Variants in PCDHB14 observed in about 807,000 individuals in gnomAD.
PCDHB14 encodes protocadherin beta 14.
For missense variants in PCDHB14, 1,129 were observed against 1,000.5 expected, an observed-to-expected ratio of 1.13 and a Z score of -1.73; for synonymous variants, 511 against 441.5, an observed-to-expected ratio of 1.16 and a Z score of -1.97.
Position 141,224,689 on chromosome 5 carries a change from C to T in PCDHB14, c.1184C>T (p.Pro395Leu). ...IQDNLPFFLK[P>L]TFKNFFTLVS... ...GATAACCTCCCTTTTTTCCTGAAAC[C>T]GACCTTCAAGAACTTTTTCACTCTA... is the stretch of plus-strand genomic sequence containing the variant. Residue 395 changes from proline (P) to leucine (L), a missense_variant, in exon 1 of 1, where the codon CCG becomes CTG. Pro to Leu is a moderately conservative substitution (Grantham distance 98). Coordinates refer to ENST00000239449, the MANE Select transcript of PCDHB14 (RefSeq NM_018934.4). 6.2e-7 allele frequency: 1 copy of T among 1,613,872 alleles called. No homozygotes were observed. Among genetic ancestry groups the T allele is most frequent in the South Asian group, 1.1e-5 (1 of 91,078 alleles).
Position 141,226,205 on chromosome 5 carries a change from G to A in PCDHB14, c.*303G>A, listed in dbSNP as rs782618369. ...CAATTATTTGGATATGCAAACTAAA[G>A]TATTAAGAGCTAATGTCATTATATA... is the stretch of plus-strand genomic sequence containing the variant. On this transcript the variant is annotated 3_prime_UTR_variant, in exon 1 of 1. Coordinates refer to ENST00000239449, the MANE Select transcript of PCDHB14 (RefSeq NM_018934.4). 32 of 290,066 alleles carry A rather than the reference G, an allele frequency of 1.1e-4. No homozygotes were observed. Among genetic ancestry groups the A allele is most frequent in the Non-Finnish European group, 1.7e-4 (25 of 147,642 alleles). The allele number at this position is 290,066 out of a possible 1,614,324, so 18.0% of individuals were successfully genotyped here. A position where few individuals can be genotyped will look rare whatever the true frequency, so the allele number is the denominator to read the frequency against.
rs542452580 is a variant in PCDHB14, at chr5:141,224,693, C to A, written c.1188C>A (p.Thr396=). ...QDNLPFFLKP[T]FKNFFTLVSE... ...ACCTCCCTTTTTTCCTGAAACCGAC[C>A]TTCAAGAACTTTTTCACTCTAGTTT... is the stretch of plus-strand genomic sequence containing the variant. The change falls in exon 1 of 1, where the codon ACC becomes ACA. Residue 396 remains threonine, a synonymous_variant. Transcript: ENST00000239449. 6.2e-7 allele frequency: 1 copy of A among 1,614,156 alleles called. No individual in the cohort carries two copies. Among genetic ancestry groups the A allele is most frequent in the African/African-American group, 1.3e-5 (1 of 75,030 alleles).
rs1225343606 is a variant in PCDHB14 at position 141,225,467 on chromosome 5, C to T, written c.1962C>T (p.Ala654=). ...VKDNGEPPRS[A]TATLHVLLVD... ...ACAATGGCGAGCCTCCTCGCTCGGCCACCGCCACGCTGCACGTGCTCCTGG... is the reference window on the plus strand; with the variant it reads ...ACAATGGCGAGCCTCCTCGCTCGGCTACCGCCACGCTGCACGTGCTCCTGG... Residue 654 remains alanine (A), a synonymous_variant, in exon 1 of 1, where the codon GCC becomes GCT. Transcript: ENST00000239449. The T allele has an allele frequency of 6.2e-7, 1 of 1,604,020 alleles. No homozygotes were observed. The highest frequency in any genetic ancestry group is 1.7e-5 in the Admixed American group (1 of 59,974).
Position 141,225,218 on chromosome 5 carries a change from C to T in PCDHB14, c.1713C>T (p.Pro571=), listed in dbSNP as rs781783808. The T allele has an allele frequency of 1.1e-5, 18 of 1,603,862 alleles. No homozygotes were observed. Among genetic ancestry groups the T allele is most frequent in the Non-Finnish European group, 1.5e-5 (18 of 1,178,048 alleles). Reference sequence around the variant, plus strand: ...ACCCGCTGCAGAACGGCTCCGCGCCCTGCACCGAGCTGGTGCCCCGGGCGG... The same window carrying T: ...ACCCGCTGCAGAACGGCTCCGCGCCTTGCACCGAGCTGGTGCCCCGGGCGG... The part of the protein sequence containing the change: ...VLYPLQNGSA[P]CTELVPRAAE... Residue 571 remains proline (P), a synonymous_variant, in exon 1 of 1, where the codon CCC becomes CCT. Coordinates refer to ENST00000239449, the MANE Select transcript of PCDHB14 (RefSeq NM_018934.4).
In PCDHB14 at chr5:141,225,629, C is replaced by G. The variant is rs782228717; in HGVS notation, c.2124C>G (p.Phe708Leu). Residue 708 changes from phenylalanine to leucine, a missense_variant, in exon 1 of 1, where the codon TTC (phenylalanine) becomes TTG (leucine). Physicochemically the swap from Phe to Leu is conservative, Grantham distance 22. Transcript: ENST00000239449. ...SSLFLFSVLL[F>L]VAVRLCRRSR... ...TCTTCCTCTTCTCGGTGCTCCTGTT[C>G]GTGGCGGTGCGGCTGTGCAGGAGGA... 3 of 1,613,068 alleles carry G rather than the reference C, an allele frequency of 1.9e-6. No individual in the cohort carries two copies. The highest frequency in any genetic ancestry group is 2.5e-6 in the Non-Finnish European group (3 of 1,179,948).
rs143983419 is a variant in PCDHB14 at position 141,223,798 on chromosome 5, C to G, written c.293C>G (p.Ser98Cys). Reference protein sequence around the residue: ...EKLDRDELCGSTEPCVLHFQV... With the variant: ...EKLDRDELCGCTEPCVLHFQV... ...CTAGACCGAGACGAGCTGTGTGGCTCCACCGAGCCCTGTGTGCTGCATTTT... is the reference window on the plus strand; with the variant it reads ...CTAGACCGAGACGAGCTGTGTGGCTGCACCGAGCCCTGTGTGCTGCATTTT... Residue 98 changes from serine (S) to cysteine (C), a missense_variant, in exon 1 of 1, where the codon TCC becomes TGC. Transcript: ENST00000239449. 36 of 1,614,010 alleles carry G rather than the reference C, an allele frequency of 2.2e-5. No individual in the cohort carries two copies. The African/African-American group carries it at 4.4e-4, about 20-fold the overall frequency.
rs3896534 is a variant in PCDHB14 at position 141,225,584 on chromosome 5, A to G, written c.2079A>G (p.Ala693=). The G allele has an allele frequency of 7.0e-4, 1,128 of 1,611,176 alleles. 1 individual carries two copies. Among genetic ancestry groups the G allele is most frequent in the African/African-American group, 3.8e-3 (288 of 74,960 alleles). ...ADSLTVYLVV[A]LASVSSLFLF... ...CCCTCACCGTCTACCTGGTGGTGGC[A>G]TTGGCCTCGGTGTCGTCGCTCTTCC... Residue 693 remains alanine (A), a synonymous_variant, in exon 1 of 1, where the codon GCA becomes GCG. Coordinates refer to ENST00000239449, the MANE Select transcript of PCDHB14 (RefSeq NM_018934.4).
In PCDHB14 at chr5:141,227,733, A is replaced by G. The variant is rs1754888658; in HGVS notation, c.*1831A>G. 6.6e-6 allele frequency: 1 copy of G among 152,140 alleles called. No homozygotes were observed. Among genetic ancestry groups the G allele is most frequent in the Non-Finnish European group, 1.5e-5 (1 of 68,002 alleles). 9.4% of individuals were successfully genotyped at this position (152,140 alleles called of 1,614,324 possible). ...GTTGTGTGGATTTCTTAAAATTGAC[A>G]TTTAAACAATAAAATCCTGAAAAGA... On this transcript the variant is annotated 3_prime_UTR_variant, in exon 1 of 1. Transcript: ENST00000239449.
chr5:141,223,973 T>C lies in PCDHB14; in HGVS notation c.468T>C (p.Ser156=), dbSNP rs782670053. Reference sequence around the variant, plus strand: ...TTGGAGCTACCTTTCTAATGGAGAGTGCTCAAGATTTGGATGTCGGAAGCA... The same window carrying C: ...TTGGAGCTACCTTTCTAATGGAGAGCGCTCAAGATTTGGATGTCGGAAGCA... ...TTVGATFLME[S]AQDLDVGSNS... Residue 156 remains serine, a synonymous_variant, in exon 1 of 1, where the codon AGT becomes AGC. Transcript: ENST00000239449. 5.0e-6 allele frequency: 8 copies of C among 1,613,586 alleles called. No homozygotes were observed. Among genetic ancestry groups the C allele is most frequent in the Non-Finnish European group, 5.9e-6 (7 of 1,179,836 alleles).
rs1754860198 is a variant in PCDHB14, at chr5:141,226,302, T to G, written c.*400T>G. On this transcript the variant is annotated 3_prime_UTR_variant, in exon 1 of 1. Transcript: ENST00000239449. Reference sequence around the variant, plus strand: ...AGCGTTGCTGAATCTGGGTCGAAAATGTAGTGCGTTTATCCCACTATTCTC... The same window carrying G: ...AGCGTTGCTGAATCTGGGTCGAAAAGGTAGTGCGTTTATCCCACTATTCTC... The G allele has an allele frequency of 5.6e-6, 1 of 177,066 alleles. No homozygotes were observed. The highest frequency in any genetic ancestry group is 2.4e-5 in the African/African-American group (1 of 41,594). The allele number at this position is 177,066 out of a possible 1,614,324, so 11.0% of individuals were successfully genotyped here.
At position 141,225,598 on chromosome 5, in the gene PCDHB14, C is replaced by A; in HGVS notation, c.2093C>A (p.Ser698Ter). 1 of 1,611,574 alleles carries A rather than the reference C, an allele frequency of 6.2e-7. No individual in the cohort carries two copies. The highest frequency in any genetic ancestry group is 8.5e-7 in the Non-Finnish European group (1 of 1,179,790). Residue 698 changes from serine (S) to a stop codon, truncating the protein, a stop_gained, in exon 1 of 1, where the codon TCG becomes TAG. Coordinates refer to ENST00000239449, the MANE Select transcript of PCDHB14 (RefSeq NM_018934.4). LOFTEE classifies it low-confidence loss of function (END_TRUNC). ...VYLVVALASV[S>*]SLFLFSVLLF... is the part of the protein sequence containing the mutation. ...CTGGTGGTGGCATTGGCCTCGGTGT[C>A]GTCGCTCTTCCTCTTCTCGGTGCTC...
chr5:141,224,585 C>A lies in PCDHB14; in HGVS notation c.1080C>A (p.Ala360=). 6.2e-7 allele frequency: 1 copy of A among 1,613,514 alleles called. No individual in the cohort carries two copies. Among genetic ancestry groups the A allele is most frequent in the African/African-American group, 1.3e-5 (1 of 74,916 alleles). ...SSITKRIPEN[A]SETLVALFSI... ...TTACAAAGAGAATTCCAGAGAATGC[C>A]TCAGAGACCCTAGTAGCTCTTTTTA... The change falls in exon 1 of 1, where the codon GCC becomes GCA. Residue 360 remains alanine (A), a synonymous_variant. Transcript: ENST00000239449.
Position 141,226,071 on chromosome 5 carries a change from G to GA in PCDHB14, c.*172dup, listed in dbSNP as rs547619196. ...CTTTATTAGTGGCTATAATGACGTGGAAATGTAATCTGTGTTTTCTGGTTT... is the reference window on the plus strand; with the variant it reads ...CTTTATTAGTGGCTATAATGACGTGGAAAATGTAATCTGTGTTTTCTGGTTT... On this transcript the variant is annotated 3_prime_UTR_variant, in exon 1 of 1. Transcript: ENST00000239449. The GA allele has an allele frequency of 3.1e-3, 2,060 of 661,092 alleles. 17 individuals are homozygous for GA. The highest frequency in any genetic ancestry group is 0.019 in the South Asian group (795 of 42,202). The allele number at this position is 661,092 out of a possible 1,614,324, so 41.0% of individuals were successfully genotyped here.
rs782071724 is a variant in PCDHB14, at chr5:141,225,783, G to A, written c.2278G>A (p.Gly760Arg). 3.1e-6 allele frequency: 5 copies of A among 1,614,090 alleles called. No individual in the cohort carries two copies. The highest frequency in any genetic ancestry group is 1.6e-4 in the Middle Eastern group (1 of 6,082). Residue 760 changes from glycine to arginine, a missense_variant, in exon 1 of 1, where the codon GGG becomes AGG. Transcript: ENST00000239449. ...QYEVCLTGGSGTNEFKFLKPI... is the reference protein window; with the variant it reads ...QYEVCLTGGSRTNEFKFLKPI... ...CGAGGTGTGTCTGACAGGAGGTTCC[G>A]GGACAAATGAGTTCAAATTTCTGAA...
At position 141,226,026 on chromosome 5, in the gene PCDHB14, C is replaced by A; in HGVS notation, c.*124C>A. 1 of 855,010 alleles carries A rather than the reference C, an allele frequency of 1.2e-6. No homozygotes were observed. The highest frequency in any genetic ancestry group is 1.7e-5 in the African/African-American group (1 of 58,654). The allele number at this position is 855,010 out of a possible 1,614,324, so 53.0% of individuals were successfully genotyped here. ...ATGCATGATTATAGCTCTTGTTTTT[C>A]TCACAGTTTCTTTAAAAATCTTTAT... is the stretch of plus-strand genomic sequence containing the variant. On this transcript the variant is annotated 3_prime_UTR_variant, in exon 1 of 1. Coordinates refer to ENST00000239449, the MANE Select transcript of PCDHB14 (RefSeq NM_018934.4).
Position 141,224,110 on chromosome 5 carries a change from A to G in PCDHB14, c.605A>G (p.Tyr202Cys). ...PELVLDRALDYEQEAELRLTL... is the reference protein window; with the variant it reads ...PELVLDRALDCEQEAELRLTL... ...CTGGTCCTAGATAGAGCTTTAGATT[A>G]TGAACAGGAAGCTGAACTCAGATTA... Residue 202 changes from tyrosine to cysteine, a missense_variant, in exon 1 of 1, where the codon TAT (tyrosine) becomes TGT (cysteine). Transcript: ENST00000239449. 6.2e-7 allele frequency: 1 copy of G among 1,614,076 alleles called. No homozygotes were observed. The highest frequency in any genetic ancestry group is 8.5e-7 in the Non-Finnish European group (1 of 1,180,032).
In PCDHB14 at chr5:141,225,012, T is replaced by C. The variant is rs782790855; in HGVS notation, c.1507T>C (p.Leu503=). ...GGACCGGCACCTGCCCCTCGCCTCC[T>C]TGGTCTCCATCAACGCGGACAATGG... ...PQDRHLPLAS[L]VSINADNGHL... The change falls in exon 1 of 1, where the codon TTG becomes CTG. Residue 503 remains leucine (L), a synonymous_variant. Transcript: ENST00000239449. 25 of 1,612,532 alleles carry C rather than the reference T, an allele frequency of 1.6e-5. 1 individual carries two copies. Among genetic ancestry groups the C allele is most frequent in the African/African-American group, 1.3e-4 (10 of 74,892 alleles).
chr5:141,224,142 A>T lies in PCDHB14; in HGVS notation c.637A>T (p.Thr213Ser). ...GGAAGCTGAACTCAGATTAACACTC[A>T]CAGCAGTGGATGGTGGATCCCCGCC... The part of the protein sequence containing the change: ...EQEAELRLTL[T>S]AVDGGSPPKS... The change falls in exon 1 of 1, where the codon ACA becomes TCA. Residue 213 changes from threonine to serine, a missense_variant. By Grantham distance (58) the Thr-to-Ser change is moderately conservative. Coordinates refer to ENST00000239449, the MANE Select transcript of PCDHB14 (RefSeq NM_018934.4). 2 of 1,614,126 alleles carry T rather than the reference A, an allele frequency of 1.2e-6. No individual in the cohort carries two copies. Among genetic ancestry groups the T allele is most frequent in the Non-Finnish European group, 1.7e-6 (2 of 1,180,042 alleles).
chr5:141,225,390 C>T lies in PCDHB14; in HGVS notation c.1885C>T (p.Leu629=), dbSNP rs561340813. Residue 629 remains leucine (L), a synonymous_variant, in exon 1 of 1, where the codon CTG becomes TTG. Transcript: ENST00000239449. ...AHNGEVRTAR[L]LSERDAAKHR... ...CAATGGCGAGGTGCGCACCGCCAGG[C>T]TGCTGAGCGAGCGCGACGCGGCCAA... 1.9e-6 allele frequency: 3 copies of T among 1,604,276 alleles called. No individual in the cohort carries two copies. The African/African-American group carries it at 4.0e-5, about 21-fold the overall frequency.
Sources: gnomAD v4.1 joint callset for allele counts on GRCh38, gnomAD v4.1.1 for gene constraint, MANE v1.5 for transcripts, NCBI Gene and HGNC (gene_info 2026-07-23, HGNC 2026-07-21) for gene names.